Variants in PEPD observed in about 807,000 individuals in gnomAD.
PEPD encodes the protein peptidase D.
PEPD carries 53 observed loss-of-function variants against 60.7 expected under a neutral mutation model. The observed-to-expected ratio is 0.87, with a 90% confidence interval of 0.70 to 1.10. The LOEUF (loss-of-function observed/expected upper bound fraction) is 1.10, where lower values mean the gene tolerates loss of function less well. Among genes scored for constraint, PEPD ranks in the 50% least tolerant of loss-of-function variants. The probability of loss-of-function intolerance (pLI) is 0.00; values close to 1 mark genes in which losing one functional copy is unlikely to be tolerated. For synonymous variants in PEPD, 267 were observed against 284.1 expected (o/e 0.94, Z 0.60); for missense variants, 711 against 711.9 (o/e 1.00, Z 0.01).
At chr19:33,499,255 T>A (rs1427933997) in intron 4 of PEPD, among the ~76,000 whole-genome samples, 1 of 152,068 alleles carries the variant, frequency 6.6e-6, no homozygotes, top group Non-Finnish European at 1.5e-5. Flanking sequence ...TAACATAACA[T>A]AAAGATCCAT....
intron 7 of PEPD, among the ~76,000 whole-genome samples, chr19:33,467,957 T>C (rs1286254143): frequency 6.6e-6 from 1 of 151,968 alleles, no homozygotes; most frequent in African/African-American, 2.4e-5. Flanking sequence ...CCTCCCCTAA[T>C]GGAGCGCAGA....
intron 11 of PEPD, among the ~76,000 whole-genome samples, chr19:33,407,153 AC>A (rs923807859): frequency 6.6e-6 from 1 of 152,066 alleles, no homozygotes; most frequent in African/African-American, 2.4e-5. Flanking sequence ...CCCCCCTCCA[AC>A]CCCCACCACC....
intron 1 of PEPD, among the ~76,000 whole-genome samples, chr19:33,520,908 G>A (rs921220037): frequency 6.6e-6 from 1 of 152,154 alleles, no homozygotes; most frequent in African/African-American, 2.4e-5. Context: ...CAGCCCATCA[G>A]GGCAAAGTCT....
At chr19:33,487,203 AAGTGCTGGC>A (rs1295047911) in intron 6 of PEPD, 2 of 152,282 alleles carry the variant, frequency 1.3e-5, no homozygotes, top group East Asian at 3.9e-4. Flanking sequence ...CCCGGCACAA[AAGTGCTGGC>A]AGCCTGGGTG....
chr19:33,480,993 T>C (rs1374645614), intron 6 of PEPD, among the ~76,000 whole-genome samples: 1 of 152,004 alleles, frequency 6.6e-6, no homozygotes, highest in Non-Finnish European at 1.5e-5. Context: ...GAAATCACAC[T>C]AAGCATGCCC....
At chr19:33,398,851 C>T (rs1039477653) in intron 12 of PEPD, among the ~76,000 whole-genome samples, 5 of 152,184 alleles carry the variant, frequency 3.3e-5, no homozygotes, top group Admixed American at 6.5e-5. Flanking sequence ...CACAGGCGCA[C>T]GGGAATTCAC....
chr19:33,513,817 C>T (rs776816254), intron 1 of PEPD, among the ~76,000 whole-genome samples: 11 of 129,384 alleles, frequency 8.5e-5, no homozygotes, highest in Admixed American at 2.5e-4. Flanking sequence ...CAGCCTTTGC[C>T]GCTGCGGCGC....
At chr19:33,412,554 T>C (rs1027936978) in intron 10 of PEPD, among the ~76,000 whole-genome samples, 2 of 152,132 alleles carry the variant, frequency 1.3e-5, no homozygotes, top group Non-Finnish European at 2.9e-5. Flanking sequence ...AAGGCTTCCC[T>C]AATGAGCGAT....
At chr19:33,519,981 C>T (rs1971100692) in intron 1 of PEPD, among the ~76,000 whole-genome samples, 4 of 151,838 alleles carry the variant, frequency 2.6e-5, no homozygotes, top group African/African-American at 7.3e-5. Flanking sequence ...GCAGAAGACT[C>T]GCTTGAACCT....
Position 33,521,708 on chromosome 19 carries a change from G to A in PEPD, c.17+36C>T. ...CCGGGACACCCATGCCCCTCTCCAC[G>A]CCAGCGGGAAAGAGCGAGGGAGGCG... On this transcript the variant is annotated intron_variant, in intron 1 of 14. Transcript: ENST00000244137. 3 of 1,572,312 alleles carry A rather than the reference G, an allele frequency of 1.9e-6. No individual in the cohort carries two copies. The South Asian group carries it at 3.5e-5, about 18-fold the overall frequency.
At chr19:33,399,563 C>A (rs1243945870) in intron 12 of PEPD, among the ~76,000 whole-genome samples, 2 of 152,098 alleles carry the variant, frequency 1.3e-5, no homozygotes, top group African/African-American at 2.4e-5. Context: ...GCTCTGGAGG[C>A]TGGACTGGGC....
At chr19:33,514,201 AG>A (rs1970985268) in intron 1 of PEPD, among the ~76,000 whole-genome samples, 1 of 152,122 alleles carries the variant, frequency 6.6e-6, no homozygotes, top group Admixed American at 6.5e-5. Flanking sequence ...CTCTCCAGCC[AG>A]GGGGCAGTGG....
At chr19:33,388,757 G>A (rs925411136) in intron 13 of PEPD, 16 of 166,226 alleles carry the variant, frequency 9.6e-5, no homozygotes, top group Non-Finnish European at 2.1e-4. Context: ...GAACGCCTGA[G>A]GGACAGTGGT....
chr19:33,399,878 G>A (rs1394430653), intron 12 of PEPD, among the ~76,000 whole-genome samples: 1 of 152,170 alleles, frequency 6.6e-6, no homozygotes, highest in African/African-American at 2.4e-5. Flanking sequence ...GTCCAGAGCT[G>A]GCCAGGCCCG....
At chr19:33,491,522 T>A (rs1238664476) in intron 5 of PEPD, among the ~76,000 whole-genome samples, 1 of 152,138 alleles carries the variant, frequency 6.6e-6, no homozygotes, top group Non-Finnish European at 1.5e-5. Context: ...GTAAGGCCAT[T>A]TTCACTTCCT....
chr19:33,493,358 A>C, intron 4 of PEPD, 21 bp from the exon 5 acceptor site: 1 of 1,597,764 alleles, frequency 6.3e-7, no homozygotes, highest in Non-Finnish European at 8.6e-7. Context: ...GGAAAGAAAA[A>C]CCCACTTTAG....
chr19:33,480,573 G>C (rs1407017362), intron 6 of PEPD, among the ~76,000 whole-genome samples: 1 of 152,128 alleles, frequency 6.6e-6, no homozygotes, highest in Non-Finnish European at 1.5e-5. Flanking sequence ...AAGGCGGGTG[G>C]ATCACGAGGT....
At position 33,417,517 on chromosome 19, in the gene PEPD, T is replaced by C. The variant is rs1366037270; in HGVS notation, c.672-3874A>G. 2.0e-5 allele frequency among the ~76,000 whole-genome samples: 3 copies of C among 152,226 alleles called. No individual in the cohort carries two copies. In the East Asian group the frequency reaches 5.8e-4, roughly 29 times the overall value. On this transcript the variant is annotated intron_variant, in intron 9 of 14. Transcript: ENST00000244137. ...CAAGGGCAAATCTTGGCTCTGCTGC[T>C]GGCCAGCTGAATGGCCTCTCCGTGC...
intron 7 of PEPD, among the ~76,000 whole-genome samples, chr19:33,473,880 C>A (rs80183241): frequency 0.012 from 1,774 of 152,212 alleles, 27 homozygotes; most frequent in South Asian, 0.071. Flanking sequence ...AATTTACAGG[C>A]AATCAAAAAG....
Sources: gnomAD v4.1 joint callset for allele counts (sites outside exome capture counted in the v4.1 genomes callset) on GRCh38, gnomAD v4.1.1 for gene constraint, MANE v1.5 for transcripts, NCBI Gene and HGNC (gene_info 2026-07-23, HGNC 2026-07-21) for gene names.